Variants in IMMP2L observed in about 807,000 individuals in gnomAD.
IMMP2L encodes the protein mitochondrial inner membrane protease subunit 2.
A neutral mutation model predicts 19.3 loss-of-function variants in IMMP2L; 18 were observed. The observed-to-expected ratio is 0.93, with a 90% CI of 0.64 to 1.38. IMMP2L has a LOEUF of 1.38. IMMP2L is among the 40% of genes most tolerant of loss of function. The pLI, the probability that IMMP2L is intolerant of heterozygous loss-of-function variation, is 0.00. For synonymous variants in IMMP2L, 76 were observed against 73.0 expected (o/e 1.04, Z -0.21); for missense variants, 233 against 218.2 (o/e 1.07, Z -0.43).
intron 5 of IMMP2L, among the ~76,000 whole-genome samples, chr7:110,884,602 G>C (rs1444386924): frequency 6.6e-6 from 1 of 151,868 alleles, no homozygotes; most frequent in Non-Finnish European, 1.5e-5. Flanking sequence ...GACATCACAC[G>C]CAATGGAAAC....
intron 5 of IMMP2L, among the ~76,000 whole-genome samples, chr7:110,737,869 G>C (rs1356453702): frequency 6.6e-6 from 1 of 152,204 alleles, no homozygotes; most frequent in East Asian, 1.9e-4. Flanking sequence ...CCTGAAGACA[G>C]ATTACATCAC....
At chr7:111,325,585 G>T (rs542849312) in intron 3 of IMMP2L, among the ~76,000 whole-genome samples, 55 of 151,438 alleles carry the variant, frequency 3.6e-4, no homozygotes, top group African/African-American at 1.3e-3. Context: ...TTTTTTTAGT[G>T]TTTTAATAGT....
chr7:111,338,710 T>C (rs181991776), intron 3 of IMMP2L, among the ~76,000 whole-genome samples: 1 of 152,230 alleles, frequency 6.6e-6, no homozygotes, highest in Admixed American at 6.6e-5. Context: ...CTATATACTC[T>C]GTGAGGTATT....
intron 3 of IMMP2L, among the ~76,000 whole-genome samples, chr7:111,406,422 C>T (rs1389592654): frequency 2.0e-5 from 3 of 152,078 alleles, no homozygotes; most frequent in Non-Finnish European, 4.4e-5. Context: ...TATTTCTGTT[C>T]TTGGTCCCTT....
intron 3 of IMMP2L, among the ~76,000 whole-genome samples, chr7:111,150,801 T>C (rs764299092): frequency 2.4e-4 from 37 of 152,204 alleles, no homozygotes; most frequent in Admixed American, 2.1e-3. Context: ...GCCCTACTAA[T>C]CTTTTTTGAG....
intron 3 of IMMP2L, among the ~76,000 whole-genome samples, chr7:111,407,379 A>G (rs1349340740): frequency 6.6e-6 from 1 of 152,254 alleles, no homozygotes; most frequent in South Asian, 2.1e-4. Flanking sequence ...GGTATTATTC[A>G]TAATACCTAA....
chr7:111,229,222 A>T (rs1018126336), intron 3 of IMMP2L, among the ~76,000 whole-genome samples: 3 of 152,084 alleles, frequency 2.0e-5, no homozygotes, highest in African/African-American at 7.2e-5. Flanking sequence ...TATTTTTATA[A>T]TACTTTTTTA....
intron 5 of IMMP2L, among the ~76,000 whole-genome samples, chr7:110,716,428 G>C (rs554754885): frequency 2.6e-5 from 4 of 152,242 alleles, no homozygotes; most frequent in Middle Eastern, 3.4e-3. Flanking sequence ...TTTTGTGGTA[G>C]CAGGTATCTT....
chr7:110,957,164 T>G (rs1818437989), intron 4 of IMMP2L, among the ~76,000 whole-genome samples: 2 of 151,912 alleles, frequency 1.3e-5, no homozygotes, highest in South Asian at 4.1e-4. Context: ...AATGCTGACA[T>G]CAAGGTAGAA....
intron 5 of IMMP2L, among the ~76,000 whole-genome samples, chr7:110,860,586 C>T (rs1807295609): frequency 6.6e-6 from 1 of 152,038 alleles, no homozygotes; most frequent in Non-Finnish European, 1.5e-5. Flanking sequence ...GAATCTTGGC[C>T]TTGAGATTCA....
chr7:110,690,629 T>C (rs968777395), intron 5 of IMMP2L, among the ~76,000 whole-genome samples: 1 of 152,064 alleles, frequency 6.6e-6, no homozygotes, highest in South Asian at 2.1e-4. Flanking sequence ...AAAATCAATA[T>C]ACACAAATTG....
At chr7:111,446,507 G>A (rs1369660712) in intron 3 of IMMP2L, among the ~76,000 whole-genome samples, 1 of 149,322 alleles carries the variant, frequency 6.7e-6, no homozygotes, top group African/African-American at 2.5e-5. Flanking sequence ...CTGTCTGTTA[G>A]AAGAAAAACT....
intron 3 of IMMP2L, among the ~76,000 whole-genome samples, chr7:111,187,920 T>TC (rs1177721601): frequency 1.3e-5 from 2 of 152,056 alleles, no homozygotes; most frequent in Non-Finnish European, 2.9e-5. Context: ...AAGATTTACA[T>TC]CCATATTGAT....
At chr7:110,814,793 T>C (rs1021824146) in intron 5 of IMMP2L, among the ~76,000 whole-genome samples, 4 of 151,252 alleles carry the variant, frequency 2.6e-5, no homozygotes, top group East Asian at 3.9e-4. Context: ...TCATTACAAA[T>C]TGGTATTTTA....
At chr7:111,367,766 G>A (rs1262702360) in intron 3 of IMMP2L, among the ~76,000 whole-genome samples, 1 of 151,828 alleles carries the variant, frequency 6.6e-6, no homozygotes, top group Non-Finnish European at 1.5e-5. Flanking sequence ...CCTCATACTT[G>A]TAAACAACAT....
intron 1 of IMMP2L, among the ~76,000 whole-genome samples, chr7:111,545,124 C>A (rs984950542): frequency 3.3e-5 from 5 of 151,898 alleles, no homozygotes; most frequent in Non-Finnish European, 7.4e-5. Flanking sequence ...AAAACTAGTA[C>A]AATTATATTT....
intron 3 of IMMP2L, among the ~76,000 whole-genome samples, chr7:111,230,986 T>C (rs775327233): frequency 7.3e-5 from 11 of 151,460 alleles, no homozygotes; most frequent in Non-Finnish European, 1.3e-4. Flanking sequence ...GGCAACAAAA[T>C]GTACAGAAGC....
intron 3 of IMMP2L, among the ~76,000 whole-genome samples, chr7:111,220,052 G>A (rs536850468): frequency 1.3e-5 from 2 of 152,088 alleles, no homozygotes; most frequent in African/African-American, 4.8e-5. Context: ...ATAGAATTAT[G>A]TCACTTATCT....
At chr7:111,377,847 C>T (rs1830825652) in intron 3 of IMMP2L, among the ~76,000 whole-genome samples, 1 of 151,972 alleles carries the variant, frequency 6.6e-6, no homozygotes, top group South Asian at 2.1e-4. Flanking sequence ...TATGCATATA[C>T]AACTACACAT....
Sources: gnomAD v4.1 joint callset for allele counts (sites outside exome capture counted in the v4.1 genomes callset) on GRCh38, gnomAD v4.1.1 for gene constraint, MANE v1.5 for transcripts, NCBI Gene and HGNC (gene_info 2026-07-23, HGNC 2026-07-21) for gene names.